The following ARHGAP26 variants were observed in gnomAD, a reference collection of about 807,000 sequenced individuals.
ARHGAP26 encodes Rho GTPase activating protein 26.
A neutral mutation model predicts 104.8 loss-of-function variants in ARHGAP26; 38 were observed. The observed-to-expected ratio is 0.36, with a 90% CI of 0.28 to 0.48. ARHGAP26 has a LOEUF of 0.48. ARHGAP26 is among the 20% of genes least tolerant of loss of function. The probability of loss-of-function intolerance (pLI) is 0.99; values close to 1 mark genes in which losing one functional copy is unlikely to be tolerated. For synonymous variants in ARHGAP26, 341 were observed against 340.0 expected (o/e 1.00, Z -0.03); for missense variants, 704 against 947.9 (o/e 0.74, Z 3.38).
chr5:143,093,793 C>G (rs1598981450), intron 17 of ARHGAP26, among the ~76,000 whole-genome samples: 1 of 149,064 alleles, frequency 6.7e-6, no homozygotes, highest in Non-Finnish European at 1.5e-5. Context: ...ACTCTTTCTT[C>G]CTCTGAGAAG....
At chr5:142,841,201 G>A (rs936188281) in intron 1 of ARHGAP26, among the ~76,000 whole-genome samples, 2 of 152,124 alleles carry the variant, frequency 1.3e-5, no homozygotes, top group African/African-American at 4.8e-5. Context: ...CTACCTTCAT[G>A]TAGGCAGACA....
At chr5:142,982,805 G>T (rs1774135341) in intron 11 of ARHGAP26, among the ~76,000 whole-genome samples, 1 of 152,182 alleles carries the variant, frequency 6.6e-6, no homozygotes, top group Non-Finnish European at 1.5e-5. Context: ...GAGGAAGATG[G>T]ACCAGAAATT....
At chr5:142,832,382 C>G (rs1768642137) in intron 1 of ARHGAP26, among the ~76,000 whole-genome samples, 1 of 152,190 alleles carries the variant, frequency 6.6e-6, no homozygotes, top group Admixed American at 6.5e-5. Flanking sequence ...AGCAGGCTCT[C>G]TCTCTCTCTC....
intron 11 of ARHGAP26, among the ~76,000 whole-genome samples, chr5:143,012,950 G>A (rs892879242): frequency 6.6e-6 from 1 of 151,822 alleles, no homozygotes; most frequent in Non-Finnish European, 1.5e-5. Flanking sequence ...CACTGTGCCT[G>A]GCCGATTTTT....
intron 22 of ARHGAP26, among the ~76,000 whole-genome samples, chr5:143,217,016 C>T (rs190414144): frequency 6.6e-6 from 1 of 152,148 alleles, no homozygotes; most frequent in East Asian, 1.9e-4. Flanking sequence ...TTTCCTTGTT[C>T]CATTTCTTGT....
Position 143,227,576 on chromosome 5 carries a change from C to T in ARHGAP26, c.*5130C>T, listed in dbSNP as rs928620663. ...GCACAGCCCCACAGCATGCCTGAGACAAGACTCCAACAAGTAATAATTAGC... is the reference window on the plus strand; with the variant it reads ...GCACAGCCCCACAGCATGCCTGAGATAAGACTCCAACAAGTAATAATTAGC... On this transcript the variant is annotated 3_prime_UTR_variant, in exon 23 of 23. Transcript: ENST00000645722. The T allele has an allele frequency of 3.5e-5, 8 of 230,180 alleles. No individual in the cohort carries two copies. The highest frequency in any genetic ancestry group is 6.9e-5 in the Non-Finnish European group (8 of 116,182). The allele number at this position is 230,180 out of a possible 1,614,324, so 14.3% of individuals were successfully genotyped here.
chr5:142,799,995 A>G lies in ARHGAP26; in HGVS notation c.154+29080A>G, dbSNP rs141237190. Among the ~76,000 whole-genome samples, 535 of 152,364 alleles carry G rather than the reference A, an allele frequency of 3.5e-3. 4 individuals carry two copies. The highest frequency in any genetic ancestry group is 0.013 in the African/African-American group (520 of 41,582). On this transcript the variant is annotated intron_variant, in intron 1 of 22. Coordinates refer to ENST00000645722, the MANE Select transcript of ARHGAP26 (RefSeq NM_001135608.3). The stretch of plus-strand genomic sequence containing the variant: ...AGTCACTGGCCTGATGTAGTGGGAC[A>G]CACAGTGTTAAACGAACACTTTTGA...
chr5:143,224,166 A>G lies in ARHGAP26; in HGVS notation c.*1720A>G, dbSNP rs1811476073. On this transcript the variant is annotated 3_prime_UTR_variant, in exon 23 of 23. Coordinates refer to ENST00000645722, the MANE Select transcript of ARHGAP26 (RefSeq NM_001135608.3). ...GAGTGATTTGAAATACTATATGGCA[A>G]AGTTTTATATTTGATATTCTTTAAG... The G allele has an allele frequency of 8.7e-6, 2 of 230,678 alleles. No individual in the cohort carries two copies. Among genetic ancestry groups the G allele is most frequent in the Non-Finnish European group, 1.7e-5 (2 of 116,228 alleles). 14.3% of individuals were successfully genotyped at this position (230,678 alleles called of 1,614,324 possible).
At chr5:142,965,754 A>G (rs779996069) in intron 11 of ARHGAP26, among the ~76,000 whole-genome samples, 5 of 152,198 alleles carry the variant, frequency 3.3e-5, no homozygotes, top group South Asian at 2.1e-4. Flanking sequence ...TTGCCTCGGC[A>G]CCTGGGTGGC....
chr5:142,833,720 G>C, intron 1 of ARHGAP26, among the ~76,000 whole-genome samples: 1 of 152,206 alleles, frequency 6.6e-6, no homozygotes, highest in East Asian at 1.9e-4. Context: ...GAGGCCTGGG[G>C]ACAGTGAGAG....
intron 17 of ARHGAP26, among the ~76,000 whole-genome samples, chr5:143,103,819 A>G (rs992665022): frequency 6.6e-6 from 1 of 152,134 alleles, no homozygotes; most frequent in Non-Finnish European, 1.5e-5. Context: ...GAGGAGGATA[A>G]CCTTGGGAGA....
intron 19 of ARHGAP26, among the ~76,000 whole-genome samples, chr5:143,142,548 G>A (rs752569366): frequency 2.1e-4 from 32 of 151,710 alleles, no homozygotes; most frequent in East Asian, 1.3e-3. Flanking sequence ...AACATATTAC[G>A]CAGACTGCTT....
intron 14 of ARHGAP26, among the ~76,000 whole-genome samples, chr5:143,042,568 C>G (rs1562315290): frequency 6.6e-6 from 1 of 152,176 alleles, no homozygotes; most frequent in Non-Finnish European, 1.5e-5. Context: ...TGCAGCCAGC[C>G]TCCATGAATC....
intron 1 of ARHGAP26, among the ~76,000 whole-genome samples, chr5:142,845,441 C>T (rs761870708): frequency 1.3e-5 from 2 of 152,164 alleles, no homozygotes; most frequent in South Asian, 2.1e-4. Context: ...TCTTCTGTGC[C>T]ATGCAGTTCC....
intron 17 of ARHGAP26, among the ~76,000 whole-genome samples, chr5:143,070,109 G>A (rs574186565): frequency 6.6e-6 from 1 of 152,206 alleles, no homozygotes; most frequent in East Asian, 1.9e-4. Flanking sequence ...AGGCAAATGT[G>A]GGGGGGTTCC....
chr5:142,839,047 G>A (rs974254339), intron 1 of ARHGAP26, among the ~76,000 whole-genome samples: 3 of 152,306 alleles, frequency 2.0e-5, no homozygotes, highest in Non-Finnish European at 4.4e-5. Flanking sequence ...CCTGGACTCC[G>A]TCCTAGATTA....
intron 17 of ARHGAP26, among the ~76,000 whole-genome samples, chr5:143,117,261 C>G (rs1217527258): frequency 1.3e-5 from 2 of 152,168 alleles, no homozygotes; most frequent in Admixed American, 1.3e-4. Context: ...TGAACGAGTC[C>G]CGTGGCCTCT....
intron 14 of ARHGAP26, among the ~76,000 whole-genome samples, chr5:143,050,819 G>T (rs867245953): frequency 1.3e-5 from 2 of 152,150 alleles, no homozygotes; most frequent in African/African-American, 4.8e-5. Context: ...CTGGGAGCTA[G>T]CAATACGGCT....
chr5:143,071,775 G>T (rs1164066111), intron 17 of ARHGAP26, among the ~76,000 whole-genome samples: 1 of 151,894 alleles, frequency 6.6e-6, no homozygotes, highest in Non-Finnish European at 1.5e-5. Context: ...GTGGTGGCAT[G>T]CGCCTGTAAT....
Sources: gnomAD v4.1 joint callset for allele counts (sites outside exome capture counted in the v4.1 genomes callset) on GRCh38, gnomAD v4.1.1 for gene constraint, MANE v1.5 for transcripts, NCBI Gene and HGNC (gene_info 2026-07-23, HGNC 2026-07-21) for gene names.